Variants in IMMP2L observed in about 807,000 individuals in gnomAD.
IMMP2L encodes the protein mitochondrial inner membrane protease subunit 2.
In IMMP2L, 18 loss-of-function variants were observed where a neutral mutation model predicts 19.3. The ratio of observed to expected loss-of-function variants is 0.93; its 90% CI spans 0.64 to 1.38. The LOEUF (loss-of-function observed/expected upper bound fraction) is 1.38, where lower values mean the gene tolerates loss of function less well. Among genes scored for constraint, IMMP2L ranks in the 40% most tolerant of loss-of-function variants. IMMP2L has a pLI of 0.00. For missense variants in IMMP2L, 233 were observed against 218.2 expected, an observed-to-expected ratio of 1.07 and a Z score of -0.43; for synonymous variants, 76 against 73.0, an observed-to-expected ratio of 1.04 and a Z score of -0.21.
intron 3 of IMMP2L, among the ~76,000 whole-genome samples, chr7:111,016,326 A>G (rs778601975): frequency 2.1e-5 from 3 of 145,460 alleles, no homozygotes; most frequent in Non-Finnish European, 3.0e-5. Context: ...AAAAAAGTCC[A>G]GTAATTATAT....
At chr7:111,156,591 A>G (rs1804671994) in intron 3 of IMMP2L, among the ~76,000 whole-genome samples, 1 of 152,100 alleles carries the variant, frequency 6.6e-6, no homozygotes, top group Non-Finnish European at 1.5e-5. Flanking sequence ...AACACATGAT[A>G]TATCTTTCCA....
intron 5 of IMMP2L, among the ~76,000 whole-genome samples, chr7:110,861,299 A>G (rs1807404469): frequency 2.0e-5 from 3 of 151,878 alleles, no homozygotes; most frequent in Admixed American, 2.0e-4. Context: ...TTTTGGAGAC[A>G]GGGTCTTGCG....
At chr7:111,392,259 T>C (rs11974382) in intron 3 of IMMP2L, among the ~76,000 whole-genome samples, 3,070 of 152,240 alleles carry the variant, frequency 0.02, 108 homozygotes, top group African/African-American at 0.07. Flanking sequence ...CTCTTTTTCC[T>C]ATTCTAGCCA....
intron 3 of IMMP2L, among the ~76,000 whole-genome samples, chr7:111,085,969 G>A (rs1796288385): frequency 6.6e-6 from 1 of 152,112 alleles, no homozygotes; most frequent in African/African-American, 2.4e-5. Flanking sequence ...CCTCCTGGAG[G>A]GTTAAGAGTG....
At chr7:111,115,613 C>T (rs1045939776) in intron 3 of IMMP2L, among the ~76,000 whole-genome samples, 16 of 151,758 alleles carry the variant, frequency 1.1e-4, no homozygotes, top group African/African-American at 3.1e-4. Flanking sequence ...ACAAATTGGA[C>T]GTATTAGGGT....
intron 3 of IMMP2L, among the ~76,000 whole-genome samples, chr7:111,067,794 TG>T (rs1794638042): frequency 6.6e-6 from 1 of 152,192 alleles, no homozygotes; most frequent in South Asian, 2.1e-4. Flanking sequence ...GCCAAGTATA[TG>T]CTCTTTCCAT....
At chr7:110,838,117 G>GT (rs1042356348) in intron 5 of IMMP2L, among the ~76,000 whole-genome samples, 8 of 152,198 alleles carry the variant, frequency 5.3e-5, no homozygotes, top group African/African-American at 1.9e-4. Flanking sequence ...TAATAGACTA[G>GT]TTTTTAGCTT....
At chr7:111,079,338 C>T (rs1795689979) in intron 3 of IMMP2L, among the ~76,000 whole-genome samples, 1 of 151,678 alleles carries the variant, frequency 6.6e-6, no homozygotes, top group South Asian at 2.1e-4. Flanking sequence ...GGGATGGTCT[C>T]GATCTCCTGA....
intron 5 of IMMP2L, among the ~76,000 whole-genome samples, chr7:110,763,490 C>T (rs760082817): frequency 6.6e-6 from 1 of 152,004 alleles, no homozygotes. Context: ...GTGTTATATA[C>T]ACAACAAATT....
intron 3 of IMMP2L, chr7:111,395,000 G>A (rs950049896): frequency 5.0e-5 from 12 of 240,514 alleles, no homozygotes; most frequent in African/African-American, 2.8e-4. Context: ...GTGGAGCTGT[G>A]CATTATGTGT....
chr7:110,676,723 T>C (rs1194486101), intron 5 of IMMP2L, among the ~76,000 whole-genome samples: 1 of 152,168 alleles, frequency 6.6e-6, no homozygotes, highest in African/African-American at 2.4e-5. Context: ...CACAATGGAT[T>C]GACAGCAATC....
chr7:110,805,061 C>T (rs1195108716), intron 5 of IMMP2L, among the ~76,000 whole-genome samples: 1 of 152,036 alleles, frequency 6.6e-6, no homozygotes, highest in Non-Finnish European at 1.5e-5. Context: ...TTAATATTAC[C>T]ATAGATGCTA....
Position 111,037,875 on chromosome 7 carries a change from A to G in IMMP2L, c.240-74310T>C, listed in dbSNP as rs140644856. ...AAGATGAAGAGATGGTAAAGTTCACATATCTGTTTGTAGATGACAGTTTTA... is the reference window on the plus strand; with the variant it reads ...AAGATGAAGAGATGGTAAAGTTCACGTATCTGTTTGTAGATGACAGTTTTA... On this transcript the variant is annotated intron_variant, in intron 3 of 5. Coordinates refer to ENST00000405709, the MANE Select transcript of IMMP2L (RefSeq NM_032549.4). 9.4e-4 allele frequency among the ~76,000 whole-genome samples: 143 copies of G among 152,296 alleles called. 1 individual carries two copies. The highest frequency in any genetic ancestry group is 1.9e-3 in the Admixed American group (29 of 15,290).
intron 3 of IMMP2L, among the ~76,000 whole-genome samples, chr7:110,970,215 C>T (rs1158509956): frequency 6.6e-6 from 1 of 152,068 alleles, no homozygotes; most frequent in East Asian, 1.9e-4. Context: ...CAAATGTCTT[C>T]ATTTAACTAT....
At chr7:111,445,800 T>A (rs983514851) in intron 3 of IMMP2L, among the ~76,000 whole-genome samples, 1 of 151,930 alleles carries the variant, frequency 6.6e-6, no homozygotes, top group African/African-American at 2.4e-5. Flanking sequence ...AGGTACCGGG[T>A]TCATCTCACT....
intron 3 of IMMP2L, among the ~76,000 whole-genome samples, chr7:111,400,902 A>T (rs1451085328): frequency 6.6e-6 from 1 of 151,932 alleles, no homozygotes; most frequent in Non-Finnish European, 1.5e-5. Flanking sequence ...ATGATTTTGC[A>T]GTCATGCCAA....
intron 3 of IMMP2L, among the ~76,000 whole-genome samples, chr7:111,242,616 C>A (rs1241644827): frequency 6.6e-6 from 1 of 152,024 alleles, no homozygotes; most frequent in African/African-American, 2.4e-5. Flanking sequence ...TCATAGCACA[C>A]AAACGAGCTT....
At chr7:111,394,187 A>G (rs111663100) in intron 3 of IMMP2L, among the ~76,000 whole-genome samples, 4 of 152,298 alleles carry the variant, frequency 2.6e-5, no homozygotes, top group African/African-American at 9.6e-5. Context: ...ACTTTATCAT[A>G]AATACATAAG....
At chr7:110,890,901 A>G (rs1810722445) in intron 4 of IMMP2L, among the ~76,000 whole-genome samples, 1 of 152,180 alleles carries the variant, frequency 6.6e-6, no homozygotes, top group South Asian at 2.1e-4. Context: ...GGTGAATACA[A>G]AAGTATTGTC....
Sources: gnomAD v4.1 joint callset for allele counts (sites outside exome capture counted in the v4.1 genomes callset) on GRCh38, gnomAD v4.1.1 for gene constraint, MANE v1.5 for transcripts, NCBI Gene and HGNC (gene_info 2026-07-23, HGNC 2026-07-21) for gene names.